GSE1: variants seen among roughly 807,000 people sequenced by gnomAD.
GSE1 encodes genetic suppressor element 1.
In GSE1, 32 loss-of-function variants were observed where a neutral mutation model predicts 112.6. The observed-to-expected ratio is 0.28, with a 90% CI of 0.21 to 0.38. The LOEUF (loss-of-function observed/expected upper bound fraction) is 0.38, where lower values mean the gene tolerates loss of function less well. Ranked by LOEUF, GSE1 falls within the 10% of genes least tolerant of loss-of-function variation. GSE1 has a pLI of 1.00. For missense variants in GSE1, 2,348 were observed against 1,699.2 expected (o/e 1.38, Z -6.71); for synonymous variants, 1,115 against 735.6 (o/e 1.52, Z -8.35).
At chr16:85,586,331 C>G (rs2046690188) in intron 1 of GSE1, among the ~76,000 whole-genome samples, 1 of 152,220 alleles carries the variant, frequency 6.6e-6, no homozygotes, top group Admixed American at 6.5e-5. Context: ...ATAGGTGTTG[C>G]CTCGGACGGC....
rs544756554 is a variant in GSE1 at position 85,672,059 on chromosome 16, C to T, written c.3520-346C>T. The T allele has an allele frequency of 2.7e-4, 70 of 259,326 alleles. 1 individual carries two copies. Among genetic ancestry groups the T allele is most frequent in the African/African-American group, 1.1e-3 (49 of 44,430 alleles). The allele number at this position is 259,326 out of a possible 1,614,324, so 16.1% of individuals were successfully genotyped here. A position where few individuals can be genotyped will look rare whatever the true frequency, so the allele number is the denominator to read the frequency against. The stretch of plus-strand genomic sequence containing the variant: ...TGTCACCCAAGCTGGAATGCAGTGG[C>T]GCAGTCTCGGCTCACTGCAACCTCC... On this transcript the variant is annotated intron_variant, in intron 15 of 15. Coordinates refer to ENST00000253458, the MANE Select transcript of GSE1 (RefSeq NM_014615.5).
chr16:85,534,530 C>T (rs927443908), intron 2 of GSE1, among the ~76,000 whole-genome samples: 1 of 152,136 alleles, frequency 6.6e-6, no homozygotes, highest in African/African-American at 2.4e-5. Context: ...CCTCAGAGTC[C>T]CTCCAGCCTG....
chr16:85,662,911 G>T lies in GSE1; in HGVS notation c.2261-70G>T. 3 of 1,077,860 alleles carry T rather than the reference G, an allele frequency of 2.8e-6. No individual in the cohort carries two copies. The South Asian group carries it at 3.8e-5, about 14-fold the overall frequency. 66.8% of individuals were successfully genotyped at this position (1,077,860 alleles called of 1,614,324 possible). On this transcript the variant is annotated intron_variant, in intron 9 of 15. Coordinates refer to ENST00000253458, the MANE Select transcript of GSE1 (RefSeq NM_014615.5). ...CTGATAGGTGCTCTGCACACATGAG[G>T]CCCTGCGGGCATGTCCACTGGACAG...
At chr16:85,264,002 C>T (rs1678075277) in intron 1 of GSE1, among the ~76,000 whole-genome samples, 1 of 152,142 alleles carries the variant, frequency 6.6e-6, no homozygotes. Context: ...CCGGGGAGGG[C>T]TTCTAGGAGG....
At chr16:85,351,370 A>G (rs1345484923) in intron 1 of GSE1, among the ~76,000 whole-genome samples, 2 of 152,262 alleles carry the variant, frequency 1.3e-5, no homozygotes, top group Non-Finnish European at 2.9e-5. Context: ...ACCTGAAAAC[A>G]TGGTGCTAAC....
intron 2 of GSE1, among the ~76,000 whole-genome samples, chr16:85,439,558 A>ACACC (rs1491192613): frequency 6.2e-4 from 90 of 145,398 alleles, no homozygotes; most frequent in African/African-American, 2.2e-3. Flanking sequence ...ACACACACAC[A>ACACC]CCCCAGGCGT....
intron 2 of GSE1, among the ~76,000 whole-genome samples, chr16:85,361,423 T>C (rs2047079127): frequency 1.3e-5 from 2 of 149,952 alleles, no homozygotes; most frequent in Admixed American, 1.3e-4. Context: ...AGGACACACA[T>C]TCCAAATGCC....
intron 1 of GSE1, among the ~76,000 whole-genome samples, chr16:85,205,212 C>G (rs1235455315): frequency 6.6e-6 from 1 of 152,158 alleles, no homozygotes; most frequent in South Asian, 2.1e-4. Context: ...TCACTGCAAC[C>G]TCCGCCTCCT....
intron 1 of GSE1, among the ~76,000 whole-genome samples, chr16:85,349,705 A>T (rs1415935181): frequency 2.0e-5 from 3 of 152,030 alleles, no homozygotes; most frequent in African/African-American, 7.2e-5. Flanking sequence ...AGAGGAGGCG[A>T]CGCCGTGTTC....
chr16:85,407,019 A>G (rs1209303125), intron 2 of GSE1, among the ~76,000 whole-genome samples: 1 of 9,046 alleles, frequency 1.1e-4, no homozygotes, highest in African/African-American at 1.4e-3. Flanking sequence ...GATAATCCTC[A>G]CTGTTACACT....
chr16:85,225,821 C>G (rs1221685006), intron 1 of GSE1, among the ~76,000 whole-genome samples: 1 of 152,238 alleles, frequency 6.6e-6, no homozygotes, highest in African/African-American at 2.4e-5. Flanking sequence ...TATCATCTCT[C>G]AGTTTCTGTG....
chr16:85,449,496 A>C (rs575168079), intron 2 of GSE1, among the ~76,000 whole-genome samples: 1 of 152,320 alleles, frequency 6.6e-6, no homozygotes, highest in South Asian at 2.1e-4. Context: ...CCACAGGGTC[A>C]CCTGAGAATC....
chr16:85,537,174 G>C (rs993752736), intron 2 of GSE1, among the ~76,000 whole-genome samples: 20 of 152,314 alleles, frequency 1.3e-4, no homozygotes, highest in African/African-American at 4.8e-4. Flanking sequence ...GGCAGGTGAC[G>C]CAGGGCCTAA....
intron 1 of GSE1, among the ~76,000 whole-genome samples, chr16:85,188,872 C>G (rs952031455): frequency 1.3e-5 from 2 of 151,944 alleles, no homozygotes; most frequent in Admixed American, 6.6e-5. Flanking sequence ...TCATCACTAC[C>G]TCTGTTCTTA....
intron 1 of GSE1, among the ~76,000 whole-genome samples, chr16:85,178,654 C>G (rs928807077): frequency 6.6e-6 from 1 of 151,960 alleles, no homozygotes; most frequent in African/African-American, 2.4e-5. Flanking sequence ...GGATGCTATT[C>G]CAGGTTTCAG....
chr16:85,169,873 C>G, exon 1 of GSE1: 1 of 984,462 alleles, frequency 1.0e-6, no homozygotes, highest in South Asian at 4.7e-5. Flanking sequence ...CTGGCTCAAG[C>G]GGCCCCACCA....
intron 1 of GSE1, among the ~76,000 whole-genome samples, chr16:85,295,472 G>T (rs2045341455): frequency 6.6e-6 from 1 of 152,254 alleles, no homozygotes; most frequent in Non-Finnish European, 1.5e-5. Context: ...CACCGCCGAT[G>T]GCCGTTTGGG....
intron 2 of GSE1, among the ~76,000 whole-genome samples, chr16:85,462,357 C>G (rs2049990686): frequency 6.6e-6 from 1 of 152,056 alleles, no homozygotes; most frequent in South Asian, 2.1e-4. Flanking sequence ...GCCCTCCACC[C>G]TCCCTACCCT....
At chr16:85,496,833 G>A (rs987824951) in intron 2 of GSE1, among the ~76,000 whole-genome samples, 6 of 152,220 alleles carry the variant, frequency 3.9e-5, no homozygotes, top group South Asian at 2.1e-4. Context: ...TCACTGGCCC[G>A]TTTGGGGCTC....
Sources: gnomAD v4.1 joint callset for allele counts (sites outside exome capture counted in the v4.1 genomes callset) on GRCh38, gnomAD v4.1.1 for gene constraint, MANE v1.5 for transcripts, NCBI Gene and HGNC (gene_info 2026-07-23, HGNC 2026-07-21) for gene names.